The following RAB27B variants were observed in gnomAD, a reference collection of about 807,000 sequenced individuals.
RAB27B encodes RAB27B, member RAS oncogene family, also known as ras-related protein Rab-27B.
RAB27B carries 15 observed loss-of-function variants against 24.6 expected under a neutral mutation model. That is an observed-to-expected ratio of 0.61 (90% confidence interval 0.41 to 0.94). The LOEUF is 0.94. Ranked by LOEUF, RAB27B falls within the 40% of genes least tolerant of loss-of-function variation. The pLI, the probability that RAB27B is intolerant of heterozygous loss-of-function variation, is 0.00. For synonymous variants in RAB27B, 105 were observed against 92.5 expected (o/e 1.14, Z -0.78); for missense variants, 261 against 266.8 (o/e 0.98, Z 0.15).
chr18:54,784,329 A>C (rs1281693143), intron 2 of RAB27B, among the ~76,000 whole-genome samples: 1 of 152,186 alleles, frequency 6.6e-6, no homozygotes, highest in Non-Finnish European at 1.5e-5. Flanking sequence ...TTCAGAGGAT[A>C]CATGTGCAGA....
At chr18:54,837,838 C>T (rs949664409) in intron 1 of RAB27B, among the ~76,000 whole-genome samples, 1 of 151,978 alleles carries the variant, frequency 6.6e-6, no homozygotes, top group African/African-American at 2.4e-5. Flanking sequence ...AATTGAAGGA[C>T]ATAATAAATA....
chr18:54,829,341 C>A (rs1189666921), intron 1 of RAB27B, among the ~76,000 whole-genome samples: 1 of 152,188 alleles, frequency 6.6e-6, no homozygotes, highest in African/African-American at 2.4e-5. Context: ...CCTCTGAAAA[C>A]TACTGAAGTA....
At chr18:54,792,469 A>G (rs1909281538) in intron 2 of RAB27B, among the ~76,000 whole-genome samples, 1 of 152,182 alleles carries the variant, frequency 6.6e-6, no homozygotes, top group Admixed American at 6.5e-5. Context: ...AATAAATAAC[A>G]ATCTAAACCC....
At chr18:54,824,949 G>A (rs115149864), upstream of RAB27B, among the ~76,000 whole-genome samples, 374 of 151,998 alleles carry the variant, frequency 2.5e-3, 2 homozygotes, top group African/African-American at 8.7e-3. Flanking sequence ...GCATTTTTGG[G>A]GTTTCATCTC....
intron 2 of RAB27B, among the ~76,000 whole-genome samples, chr18:54,736,645 G>A (rs1171526073): frequency 6.6e-6 from 1 of 152,198 alleles, no homozygotes; most frequent in Non-Finnish European, 1.5e-5. Flanking sequence ...GGGTGTGTGT[G>A]TGGAGGATGC....
upstream of RAB27B, among the ~76,000 whole-genome samples, chr18:54,828,039 C>A (rs1388074132): frequency 6.6e-6 from 1 of 152,138 alleles, no homozygotes; most frequent in Non-Finnish European, 1.5e-5. Context: ...TTCATACGAA[C>A]ACATCCTAAC....
intron 1 of RAB27B, among the ~76,000 whole-genome samples, chr18:54,830,464 G>C (rs1213085412): frequency 6.6e-6 from 1 of 152,130 alleles, no homozygotes; most frequent in Non-Finnish European, 1.5e-5. Context: ...ATTCATCAAG[G>C]CAGGTTGACC....
At chr18:54,765,958 T>C (rs1908348038) in intron 2 of RAB27B, among the ~76,000 whole-genome samples, 1 of 152,208 alleles carries the variant, frequency 6.6e-6, no homozygotes, top group Non-Finnish European at 1.5e-5. Flanking sequence ...TAATTAAAGT[T>C]AAACCAGTTT....
chr18:54,842,540 C>T (rs1292184996), intron 1 of RAB27B, among the ~76,000 whole-genome samples: 1 of 152,080 alleles, frequency 6.6e-6, no homozygotes, highest in Non-Finnish European at 1.5e-5. Context: ...AAGATAATAT[C>T]AAGAAAGATA....
chr18:54,732,821 T>C (rs9963337), intron 2 of RAB27B, among the ~76,000 whole-genome samples: 68,161 of 151,996 alleles, frequency 0.45, 17,171 homozygotes, highest in Middle Eastern at 0.58. Flanking sequence ...CCAACCTCTA[T>C]AGGTTAACAA....
At chr18:54,738,192 G>C (rs1909958708) in intron 2 of RAB27B, among the ~76,000 whole-genome samples, 1 of 152,088 alleles carries the variant, frequency 6.6e-6, no homozygotes, top group Admixed American at 6.6e-5. Flanking sequence ...TTATTTTATA[G>C]CTGACTGCCT....
intron 4 of RAB27B, among the ~76,000 whole-genome samples, chr18:54,887,460 T>A (rs996663407): frequency 4.6e-5 from 7 of 152,080 alleles, no homozygotes; most frequent in African/African-American, 1.4e-4. Context: ...TATTTATTAT[T>A]ATGTATGTGT....
intron 2 of RAB27B, among the ~76,000 whole-genome samples, chr18:54,720,035 T>G (rs1018767657): frequency 1.3e-5 from 2 of 152,076 alleles, no homozygotes; most frequent in African/African-American, 4.8e-5. Flanking sequence ...CAGACACACT[T>G]TTCAGGACAT....
chr18:54,783,480 T>C (rs1908979835), intron 2 of RAB27B, among the ~76,000 whole-genome samples: 1 of 118,850 alleles, frequency 8.4e-6, no homozygotes, highest in Non-Finnish European at 1.8e-5. Context: ...AGCCTATGGC[T>C]TTGTGTGTGT....
chr18:54,729,570 G>A (rs1909665963), intron 2 of RAB27B, among the ~76,000 whole-genome samples: 1 of 152,164 alleles, frequency 6.6e-6, no homozygotes, highest in African/African-American at 2.4e-5. Context: ...TTGAGAAAAG[G>A]TTAATTCTGT....
chr18:54,819,941 G>T (rs1460667808), intron 2 of RAB27B, among the ~76,000 whole-genome samples: 1 of 152,056 alleles, frequency 6.6e-6, no homozygotes, highest in Non-Finnish European at 1.5e-5. Context: ...CCCTACAAAG[G>T]ATATGAACTC....
chr18:54,883,014 G>C (rs905388241), intron 3 of RAB27B, among the ~76,000 whole-genome samples: 1 of 152,066 alleles, frequency 6.6e-6, no homozygotes, highest in African/African-American at 2.4e-5. Context: ...CAGAGTAGAT[G>C]GCCAGAAATG....
intron 2 of RAB27B, among the ~76,000 whole-genome samples, chr18:54,736,435 T>C (rs9952903): frequency 0.51 from 77,667 of 151,764 alleles, 21,279 homozygotes; most frequent in Middle Eastern, 0.62. Flanking sequence ...TCTTATTTCC[T>C]TGAATTTCAT....
chr18:54,721,878 AAGTT>A (rs1460681145), intron 2 of RAB27B, among the ~76,000 whole-genome samples: 14 of 152,270 alleles, frequency 9.2e-5, no homozygotes, highest in African/African-American at 3.1e-4. Flanking sequence ...CCAGGTGAAA[AAGTT>A]AGCCAGATAA....
Sources: allele counts gnomAD v4.1 joint callset (sites outside exome capture counted in the v4.1 genomes callset), GRCh38; gene constraint gnomAD v4.1.1; transcripts MANE v1.5; gene names NCBI Gene and HGNC (gene_info 2026-07-23, HGNC 2026-07-21).